Variants in CACNA1E observed in about 807,000 individuals in gnomAD.
CACNA1E encodes calcium voltage-gated channel subunit alpha1 E, also known as voltage-dependent R-type calcium channel subunit alpha-1E.
In CACNA1E, 40 loss-of-function variants were observed where a neutral mutation model predicts 259.2. The observed-to-expected ratio is 0.15, with a 90% CI of 0.12 to 0.20. The LOEUF is 0.20. Ranked by LOEUF, CACNA1E falls within the 10% of genes least tolerant of loss-of-function variation. CACNA1E has a pLI of 1.00. For missense variants in CACNA1E, 1,874 were observed against 3,040.1 expected (o/e 0.62, Z 9.02); for synonymous variants, 1,104 against 1,138.5 (o/e 0.97, Z 0.61).
In CACNA1E at chr1:181,483,602, G is replaced by A; in HGVS notation, c.-143G>A. ...GCTGCTGCTGCTGCCTCTCCGAAGAGCTCGCGGAGCTCCCCAGAGGCGGTG... is the reference window on the plus strand; with the variant it reads ...GCTGCTGCTGCTGCCTCTCCGAAGAACTCGCGGAGCTCCCCAGAGGCGGTG... On this transcript the variant is annotated 5_prime_UTR_variant, in exon 1 of 48. Transcript: ENST00000367573. 1 of 487,844 alleles carries A rather than the reference G, an allele frequency of 2.0e-6. No individual in the cohort carries two copies. Among genetic ancestry groups the A allele is most frequent in the Non-Finnish European group, 3.6e-6 (1 of 279,872 alleles). 30.2% of individuals were successfully genotyped at this position (487,844 alleles called of 1,614,324 possible).
chr1:181,587,916 A>G (rs1652247597), intron 6 of CACNA1E, among the ~76,000 whole-genome samples: 1 of 152,032 alleles, frequency 6.6e-6, no homozygotes, highest in Non-Finnish European at 1.5e-5. Flanking sequence ...AAAGAAATGT[A>G]CTCTTGAATC....
Position 181,785,409 on chromosome 1 carries a change from G to A in CACNA1E, c.5670G>A (p.Leu1890=), listed in dbSNP as rs748926112. 3 of 1,606,908 alleles carry A rather than the reference G, an allele frequency of 1.9e-6. No homozygotes were observed. The highest frequency in any genetic ancestry group is 1.7e-5 in the Admixed American group (1 of 59,838). Residue 1890 remains leucine, a synonymous_variant, in exon 42 of 48, where the codon CTG becomes CTA. Coordinates refer to ENST00000367573, the MANE Select transcript of CACNA1E (RefSeq NM_001205293.3). ...AGGTGAAGAAGCAGAGGCAGCAGCT[G>A]GAGGAACAGGTGAAAGTCAATGCCA... The part of the protein sequence containing the change: ...QSKVKKQRQQ[L]EEQKNAPMFQ...
At chr1:181,541,507 C>A (rs1668578553) in intron 3 of CACNA1E, among the ~76,000 whole-genome samples, 1 of 151,922 alleles carries the variant, frequency 6.6e-6, no homozygotes, top group African/African-American at 2.4e-5. Context: ...TTGAGAGCAG[C>A]AAAACAGAAG....
intron 1 of CACNA1E, among the ~76,000 whole-genome samples, chr1:181,498,497 T>C (rs573486144): frequency 6.6e-6 from 1 of 152,358 alleles, no homozygotes; most frequent in African/African-American, 2.4e-5. Context: ...CATTTTTGAA[T>C]GCTATTGTGG....
At chr1:181,535,280 A>G (rs952748748) in intron 3 of CACNA1E, among the ~76,000 whole-genome samples, 4 of 152,152 alleles carry the variant, frequency 2.6e-5, no homozygotes, top group Non-Finnish European at 5.9e-5. Context: ...TTAAACATTT[A>G]TAAAATGTTT....
Position 181,544,400 on chromosome 1 carries a change from T to TAA in CACNA1E, c.512+32900_512+32901dup, listed in dbSNP as rs5779107. 9.9e-3 allele frequency among the ~76,000 whole-genome samples: 1,468 copies of TAA among 148,646 alleles called. 17 individuals carry two copies. The highest frequency in any genetic ancestry group is 0.052 in the Middle Eastern group (15 of 288). On this transcript the variant is annotated intron_variant, in intron 3 of 47. Coordinates refer to ENST00000367573, the MANE Select transcript of CACNA1E (RefSeq NM_001205293.3). ...GATGGTTGCACAATCCTGAATATACTAAAAAAAAAAACCCCACTGAATTGT... is the reference window on the plus strand; with the variant it reads ...GATGGTTGCACAATCCTGAATATACTAAAAAAAAAAAAACCCCACTGAATTGT...
chr1:181,590,409 A>AT (rs1258641141), intron 6 of CACNA1E, among the ~76,000 whole-genome samples: 3 of 124,580 alleles, frequency 2.4e-5, no homozygotes, highest in Non-Finnish European at 3.4e-5. Context: ...TACAAAAAAA[A>AT]AAAAAAAATA....
intron 15 of CACNA1E, 92 bp from the exon 16 acceptor site, chr1:181,721,666 A>G: frequency 1.5e-6 from 1 of 681,430 alleles, no homozygotes; most frequent in Non-Finnish European, 2.6e-6. Flanking sequence ...GGGTAGATGC[A>G]AAAGACCCAG....
upstream of CACNA1E, among the ~76,000 whole-genome samples, chr1:181,481,335 TACAC>T (rs113766656): frequency 0.019 from 2,717 of 145,434 alleles, 63 homozygotes; most frequent in Admixed American, 0.053. Context: ...AGAATTTTCC[TACAC>T]ACACACACAC....
At chr1:181,648,012 G>A (rs182718099) in intron 6 of CACNA1E, among the ~76,000 whole-genome samples, 1 of 152,324 alleles carries the variant, frequency 6.6e-6, no homozygotes, top group African/African-American at 2.4e-5. Flanking sequence ...AACCCCCAGG[G>A]CCTTGCTGGT....
chr1:181,659,566 G>C (rs1647397726), intron 7 of CACNA1E, among the ~76,000 whole-genome samples: 1 of 152,202 alleles, frequency 6.6e-6, no homozygotes, highest in African/African-American at 2.4e-5. Flanking sequence ...ATTGTTGCCT[G>C]GGCTTCTGGA....
At chr1:181,659,976 T>C (rs544946933) in intron 7 of CACNA1E, among the ~76,000 whole-genome samples, 1 of 152,348 alleles carries the variant, frequency 6.6e-6, no homozygotes, top group African/African-American at 2.4e-5. Context: ...GAATATCATC[T>C]TGACCATATA....
intron 6 of CACNA1E, among the ~76,000 whole-genome samples, chr1:181,594,575 T>G (rs1157080711): frequency 6.6e-6 from 1 of 152,214 alleles, no homozygotes; most frequent in African/African-American, 2.4e-5. Context: ...ATTTTTGTAT[T>G]TTAATAGAGA....
chr1:181,669,214 A>G (rs564642552), intron 7 of CACNA1E, among the ~76,000 whole-genome samples: 2 of 152,312 alleles, frequency 1.3e-5, no homozygotes, highest in African/African-American at 2.4e-5. Flanking sequence ...TAATCACAAA[A>G]ACTCAACTGC....
intron 3 of CACNA1E, among the ~76,000 whole-genome samples, chr1:181,531,118 GA>G: frequency 6.6e-6 from 1 of 152,314 alleles, no homozygotes; most frequent in Non-Finnish European, 1.5e-5. Flanking sequence ...CTTGCTTTAT[GA>G]ATGATTTTGT....
chr1:181,542,655 T>A (rs143469421), intron 3 of CACNA1E, among the ~76,000 whole-genome samples: 61 of 152,160 alleles, frequency 4.0e-4, no homozygotes, highest in African/African-American at 1.5e-3. Context: ...GCCATGATTC[T>A]AAGTTTCCTG....
chr1:181,629,195 A>T (rs1572422275), intron 6 of CACNA1E, among the ~76,000 whole-genome samples: 1 of 152,146 alleles, frequency 6.6e-6, no homozygotes, highest in Non-Finnish European at 1.5e-5. Flanking sequence ...CAGGTTTGGG[A>T]TTAACTAACT....
intron 29 of CACNA1E, 128 bp downstream of exon 29, chr1:181,756,221 A>G: frequency 2.4e-6 from 2 of 845,956 alleles, no homozygotes; most frequent in Middle Eastern, 7.5e-4. Flanking sequence ...GGTTTTGAGA[A>G]GGTGACACAG....
At chr1:181,703,442 G>A (rs1652473679) in intron 7 of CACNA1E, among the ~76,000 whole-genome samples, 1 of 152,154 alleles carries the variant, frequency 6.6e-6, no homozygotes, top group African/African-American at 2.4e-5. Context: ...CAACTTCAGA[G>A]CTTTTAATCA....
Sources: allele counts gnomAD v4.1 joint callset (sites outside exome capture counted in the v4.1 genomes callset), GRCh38; gene constraint gnomAD v4.1.1; transcripts MANE v1.5; gene names NCBI Gene and HGNC (gene_info 2026-07-23, HGNC 2026-07-21).